SPECC1: variants seen among roughly 807,000 people sequenced by gnomAD.
SPECC1 encodes sperm antigen with calponin homology and coiled-coil domains 1.
A neutral mutation model predicts 104.1 loss-of-function variants in SPECC1; 62 were observed. The ratio of observed to expected loss-of-function variants is 0.60; its 90% CI spans 0.49 to 0.74. The LOEUF (loss-of-function observed/expected upper bound fraction) is 0.74. Among genes scored for constraint, SPECC1 ranks in the 30% least tolerant of loss-of-function variants. The probability of loss-of-function intolerance (pLI) is 0.00; values close to 1 mark genes in which losing one functional copy is unlikely to be tolerated. For missense variants in SPECC1, 1,306 were observed against 1,310.5 expected (o/e 1.00, Z 0.05); for synonymous variants, 513 against 501.6 (o/e 1.02, Z -0.30).
At position 20,205,021 on chromosome 17, in the gene SPECC1, G is replaced by C; in HGVS notation, c.972G>C (p.Leu324Phe). The change falls in exon 4 of 15, where the codon TTG becomes TTC. Residue 324 changes from leucine to phenylalanine, a missense_variant. Leu to Phe is a conservative substitution (Grantham distance 22, BLOSUM62 0). Around this residue, in one of 2 missense-constraint regions of SPECC1, gnomAD observed 1,177 missense variants for 1,139.9 expected, o/e 1.03. Coordinates refer to ENST00000395527, the MANE Select transcript of SPECC1 (RefSeq NM_001243439.2). ...GTAGCGATGTTACCAAAGCTTCTTTGTCGCCAGATGCTTCCGACTTTGAGC... is the reference window on the plus strand; with the variant it reads ...GTAGCGATGTTACCAAAGCTTCTTTCTCGCCAGATGCTTCCGACTTTGAGC... ...SSSSDVTKAS[L>F]SPDASDFEHI... is the part of the protein sequence containing the mutation. 3.1e-6 allele frequency: 5 copies of C among 1,614,140 alleles called. No individual in the cohort carries two copies. Among genetic ancestry groups the C allele is most frequent in the Non-Finnish European group, 1.7e-6 (2 of 1,180,018 alleles).
intron 3 of SPECC1, among the ~76,000 whole-genome samples, chr17:20,174,876 TTGACCAAGCCCTCTGCCTTGGTCAAAA>T (rs949617291): frequency 1.1e-4 from 16 of 152,016 alleles, no homozygotes; most frequent in Non-Finnish European, 2.1e-4. Context: ...GGCACCTCAT[TTGACCAAGCCCTCTGCCTTGGTCAAAA>T]TGACCAAGGC....
At chr17:20,195,479 C>A (rs115451480) in intron 3 of SPECC1, among the ~76,000 whole-genome samples, 2 of 152,000 alleles carry the variant, frequency 1.3e-5, no homozygotes, top group Non-Finnish European at 2.9e-5. Context: ...ATTTCACATT[C>A]GATTATGCTT....
At chr17:20,112,543 A>C (rs1472047232) in intron 3 of SPECC1, 1 of 780,622 alleles carries the variant, frequency 1.3e-6, no homozygotes, top group Non-Finnish European at 2.4e-6. Flanking sequence ...TTAACTTCAA[A>C]ATGGCCAGTT....
intron 9 of SPECC1, among the ~76,000 whole-genome samples, chr17:20,250,370 A>G (rs936549718): frequency 2.6e-5 from 4 of 152,226 alleles, no homozygotes; most frequent in African/African-American, 9.6e-5. Flanking sequence ...AATTCAAAAC[A>G]TCTGACAAGA....
At chr17:20,298,984 G>GTGTGTGTGTGTGTGTGTGTGTGTGT (rs1395919924) in intron 13 of SPECC1, among the ~76,000 whole-genome samples, 1 of 76,868 alleles carries the variant, frequency 1.3e-5, no homozygotes, top group African/African-American at 5.4e-5. Flanking sequence ...TGTAGAGAGA[G>GTGTGTGTGTGTGTGTGTGTGTGTGT]AGAGAGAGAG....
At chr17:20,177,785 C>A (rs2034575843) in intron 3 of SPECC1, among the ~76,000 whole-genome samples, 1 of 152,172 alleles carries the variant, frequency 6.6e-6, no homozygotes. Flanking sequence ...TCTCGGCTCA[C>A]TGCAACCTCC....
chr17:20,017,844 C>T (rs2044208389), intron 1 of SPECC1: 1 of 152,172 alleles, frequency 6.6e-6, no homozygotes, highest in African/African-American at 2.4e-5. Flanking sequence ...ATAATTTCTT[C>T]TATGTGCTCT....
In SPECC1 at chr17:20,305,962, T is replaced by C. The variant is rs571917420; in HGVS notation, c.3058-61T>C. On this transcript the variant is annotated intron_variant, in intron 13 of 14. Coordinates refer to ENST00000395527, the MANE Select transcript of SPECC1 (RefSeq NM_001243439.2). Reference sequence around the variant, plus strand: ...TATGGGAATATCAGTTGATATTCTTTCCTGGCAAAAGCTATATATTTTAAA... The same window carrying C: ...TATGGGAATATCAGTTGATATTCTTCCCTGGCAAAAGCTATATATTTTAAA... 8 of 1,468,490 alleles carry C rather than the reference T, an allele frequency of 5.4e-6. No homozygotes were observed. In the South Asian group the frequency reaches 5.8e-5, roughly 11 times the overall value. 91.0% of individuals were successfully genotyped at this position (1,468,490 alleles called of 1,614,324 possible).
chr17:20,113,105 A>T (rs1208108886), intron 3 of SPECC1: 2 of 675,328 alleles, frequency 3.0e-6, no homozygotes, highest in Admixed American at 4.8e-5. Flanking sequence ...GTTAAAAAAA[A>T]ATTTAGAGGA....
At chr17:20,286,478 G>A (rs576490168) in intron 12 of SPECC1, among the ~76,000 whole-genome samples, 9 of 152,178 alleles carry the variant, frequency 5.9e-5, no homozygotes, top group East Asian at 3.9e-4. Context: ...GGACTGTCGC[G>A]CAGCAGCTCA....
chr17:20,141,360 C>T (rs4924809), intron 3 of SPECC1, among the ~76,000 whole-genome samples: 44,285 of 152,002 alleles, frequency 0.29, 8,246 homozygotes, highest in Non-Finnish European at 0.41. Flanking sequence ...TGAGTATGGG[C>T]GATGCTGTCC....
At chr17:20,053,291 C>G (rs529556786) in intron 1 of SPECC1, among the ~76,000 whole-genome samples, 29 of 152,302 alleles carry the variant, frequency 1.9e-4, no homozygotes, top group South Asian at 4.1e-4. Flanking sequence ...TTCCTCTATT[C>G]TTGCTAAAGT....
intron 8 of SPECC1, among the ~76,000 whole-genome samples, chr17:20,246,848 A>G (rs1273365368): frequency 3.9e-5 from 6 of 152,206 alleles, no homozygotes; most frequent in Non-Finnish European, 8.8e-5. Flanking sequence ...GTTTGCACCT[A>G]AATTAGATTA....
intron 1 of SPECC1, among the ~76,000 whole-genome samples, chr17:20,032,949 CACACAT>C (rs1371118489): frequency 4.0e-5 from 6 of 151,476 alleles, no homozygotes; most frequent in African/African-American, 1.5e-4. Context: ...CACACACACA[CACACAT>C]ATATATATGT....
intron 8 of SPECC1, 129 bp downstream of exon 8, chr17:20,246,200 A>G: frequency 2.7e-6 from 3 of 1,091,052 alleles, no homozygotes; most frequent in Middle Eastern, 3.0e-4. Flanking sequence ...TCCAGGTCCT[A>G]CCACGTGCAG....
At chr17:20,232,553 A>C in intron 7 of SPECC1, 148 bp downstream of exon 7, 1 of 871,768 alleles carries the variant, frequency 1.1e-6, no homozygotes. Context: ...CCTTACCACT[A>C]GGAACATTCT....
intron 3 of SPECC1, among the ~76,000 whole-genome samples, chr17:20,180,118 T>C (rs1269770921): frequency 2.6e-5 from 4 of 152,102 alleles, no homozygotes; most frequent in Non-Finnish European, 5.9e-5. Flanking sequence ...AAACATAGTA[T>C]TCCCAAAATA....
intron 3 of SPECC1, among the ~76,000 whole-genome samples, chr17:20,161,049 A>G (rs985144729): frequency 4.6e-5 from 7 of 152,122 alleles, no homozygotes; most frequent in Non-Finnish European, 8.8e-5. Flanking sequence ...CGTCTCTACT[A>G]AAAATACAAA....
rs1364004138 is a variant in SPECC1 at position 20,314,971 on chromosome 17, G to A, written c.*906G>A. ...GCCACCAAAGTCTGTGTGCTCCTGA[G>A]CAGCTCGCGGCTTTCACAGTAGGGA... On this transcript the variant is annotated 3_prime_UTR_variant, in exon 15 of 15. Transcript: ENST00000395527. The A allele has an allele frequency of 8.6e-6, 2 of 232,628 alleles. No individual in the cohort carries two copies. The highest frequency in any genetic ancestry group is 2.2e-5 in the African/African-American group (1 of 45,306). 14.4% of individuals were successfully genotyped at this position (232,628 alleles called of 1,614,324 possible). A position where few individuals can be genotyped will look rare whatever the true frequency, so the allele number is the denominator to read the frequency against.
Sources: allele counts gnomAD v4.1 joint callset (sites outside exome capture counted in the v4.1 genomes callset), GRCh38; gene constraint gnomAD v4.1.1; regional missense constraint gnomAD v4.1.1; transcripts MANE v1.5; gene names NCBI Gene and HGNC (gene_info 2026-07-23, HGNC 2026-07-21).